The following PIN1 variants were observed in gnomAD, a reference collection of about 807,000 sequenced individuals.
The protein encoded by PIN1 is peptidylprolyl cis/trans isomerase, NIMA-interacting 1.
In PIN1, 8 loss-of-function variants were observed where a neutral mutation model predicts 19.9. The ratio of observed to expected loss-of-function variants is 0.40; its 90% CI spans 0.24 to 0.72. The LOEUF (loss-of-function observed/expected upper bound fraction) is 0.72, where lower values mean the gene tolerates loss of function less well. Among genes scored for constraint, PIN1 ranks in the 30% least tolerant of loss-of-function variants. The pLI is 0.37. For synonymous variants in PIN1, 86 were observed against 90.8 expected (o/e 0.95, Z 0.30); for missense variants, 185 against 226.5 (o/e 0.82, Z 1.18).
In PIN1 at chr19:9,835,391, G is replaced by A; in HGVS notation, c.47G>A (p.Ser16Asn). 1 of 1,516,018 alleles carries A rather than the reference G, an allele frequency of 6.6e-7. No homozygotes were observed. Among genetic ancestry groups the A allele is most frequent in the Non-Finnish European group, 8.8e-7 (1 of 1,138,896 alleles). 93.9% of individuals were successfully genotyped at this position (1,516,018 alleles called of 1,614,324 possible). Reference sequence around the variant, plus strand: ...CCGCCCGGCTGGGAGAAGCGCATGAGCCGCAGCTCAGGTGCCGCGGGGGTC... The same window carrying A: ...CCGCCCGGCTGGGAGAAGCGCATGAACCGCAGCTCAGGTGCCGCGGGGGTC... Reference protein sequence around the residue: ...KLPPGWEKRMSRSSGRVYYFN... With the variant: ...KLPPGWEKRMNRSSGRVYYFN... The change falls in exon 1 of 4, where the codon AGC becomes AAC. Residue 16 changes from serine (S) to asparagine (N), a missense_variant. By Grantham distance (46) the Ser-to-Asn change is conservative. Transcript: ENST00000247970.
rs114029578 is a variant in PIN1, at chr19:9,838,796, G to A, written c.271+148G>A. ...AAACGCCAGTGCATGACCTGACCCT[G>A]ACCTTCACAGCAGCCATTCTCTTTC... On this transcript the variant is annotated intron_variant, in intron 2 of 3. Transcript: ENST00000247970. The surrounding 1 kb of genome is among the most constrained non-coding windows in gnomAD (Gnocchi z 5.8). 2.6e-3 allele frequency: 1,669 copies of A among 634,360 alleles called. 25 individuals are homozygous for A. In the African/African-American group the frequency reaches 0.028, roughly 11 times the overall value. The allele number at this position is 634,360 out of a possible 1,614,324, so 39.3% of individuals were successfully genotyped here.
At chr19:9,843,683 A>G (rs2046191381) in intron 2 of PIN1, among the ~76,000 whole-genome samples, 1 of 152,130 alleles carries the variant, frequency 6.6e-6, no homozygotes, top group Non-Finnish European at 1.5e-5. Context: ...CTCACTGTGC[A>G]CTCACATGGC....
chr19:9,842,315 G>A (rs2046175792), intron 2 of PIN1, among the ~76,000 whole-genome samples: 1 of 152,182 alleles, frequency 6.6e-6, no homozygotes, highest in Non-Finnish European at 1.5e-5. Flanking sequence ...CCCACCCTGG[G>A]CTCGTACAGG....
chr19:9,849,039 G>A, intron 3 of PIN1, 51 bp from the exon 4 acceptor site: 1 of 1,234,676 alleles, frequency 8.1e-7, no homozygotes, highest in Non-Finnish European at 1.2e-6. Flanking sequence ...GCCTCATCCT[G>A]GCCTCTGCCA....
At position 9,835,420 on chromosome 19, in the gene PIN1, GCTGGGGCGGGA is replaced by G; in HGVS notation, c.58+22_58+32del. The G allele has an allele frequency of 6.7e-7, 1 of 1,489,150 alleles. No individual in the cohort carries two copies. The highest frequency in any genetic ancestry group is 8.9e-7 in the Non-Finnish European group (1 of 1,123,604). 92.2% of individuals were successfully genotyped at this position (1,489,150 alleles called of 1,614,324 possible). A position where few individuals can be genotyped will look rare whatever the true frequency, so the allele number is the denominator to read the frequency against. On this transcript the variant is annotated intron_variant, in intron 1 of 3. Transcript: ENST00000247970. ...CAGCTCAGGTGCCGCGGGGGTCGGG[GCTGGGGCGGGA>G]CTGCGCGGGCCCGCGTAAGCAGGGC...
At chr19:9,848,377 G>T (rs35394313) in intron 3 of PIN1, 8,376 of 541,314 alleles carry the variant, frequency 0.015, 185 homozygotes, top group Admixed American at 0.063. Flanking sequence ...TGGGGGGCAT[G>T]GTCTCTTGTG....
chr19:9,836,241 A>G (rs1077220), intron 1 of PIN1: 113,148 of 152,548 alleles, frequency 0.74, 42,398 homozygotes, highest in Middle Eastern at 0.83. Context: ...CGCATTTGCA[A>G]TAATAATTCT....
rs918607391 is a variant in PIN1, at chr19:9,835,356, G to A, written c.12G>A (p.Glu4=). ...CGGCAGGAGGGAAGATGGCGGACGA[G>A]GAGAAGCTGCCGCCCGGCTGGGAGA... MAD[E]EKLPPGWEKR... is the part of the protein sequence containing the mutation. The change falls in exon 1 of 4, where the codon GAG becomes GAA. Residue 4 remains glutamate, a synonymous_variant. Coordinates refer to ENST00000247970, the MANE Select transcript of PIN1 (RefSeq NM_006221.4). 17 of 1,523,802 alleles carry A rather than the reference G, an allele frequency of 1.1e-5. No homozygotes were observed. The highest frequency in any genetic ancestry group is 5.1e-5 in the East Asian group (2 of 39,138). The allele number at this position is 1,523,802 out of a possible 1,614,324, so 94.4% of individuals were successfully genotyped here.
At chr19:9,843,882 T>A (rs919416901) in intron 2 of PIN1, among the ~76,000 whole-genome samples, 3 of 152,042 alleles carry the variant, frequency 2.0e-5, no homozygotes, top group Admixed American at 2.0e-4. Context: ...ACTCCATCTC[T>A]ACTAAAAATA....
At chr19:9,839,415 CAAAAAAA>C (rs549874572) in intron 2 of PIN1, among the ~76,000 whole-genome samples, 1 of 84,328 alleles carries the variant, frequency 1.2e-5, no homozygotes, top group Non-Finnish European at 2.5e-5. Context: ...GGCACCATCT[CAAAAAAA>C]AAAAAAAAAA....
At chr19:9,841,878 G>A (rs1369355140) in intron 2 of PIN1, among the ~76,000 whole-genome samples, 2 of 152,182 alleles carry the variant, frequency 1.3e-5, no homozygotes, top group African/African-American at 2.4e-5. Flanking sequence ...GTGGGCTCCT[G>A]GGGGTCAGCA....
intron 2 of PIN1, among the ~76,000 whole-genome samples, chr19:9,843,133 C>T (rs2046185068): frequency 6.6e-6 from 1 of 152,266 alleles, no homozygotes; most frequent in Non-Finnish European, 1.5e-5. Context: ...GATCTGTTGA[C>T]AGCCACCCCT....
Position 9,848,143 on chromosome 19 carries a change from G to A in PIN1, c.382+3G>A. 2 of 1,577,028 alleles carry A rather than the reference G, an allele frequency of 1.3e-6. No individual in the cohort carries two copies. Among genetic ancestry groups the A allele is most frequent in the Admixed American group, 1.7e-5 (1 of 59,984 alleles). ...AGACCTGGGTGCCTTCAGCAGAGGT[G>A]CGCAAGGAATGGGCCTCACCAGGTT... On this transcript the variant is annotated splice_donor_region_variant and intron_variant, in intron 3 of 3. Coordinates refer to ENST00000247970, the MANE Select transcript of PIN1 (RefSeq NM_006221.4).
At chr19:9,845,144 G>A (rs867172603) in intron 2 of PIN1, among the ~76,000 whole-genome samples, 2 of 152,234 alleles carry the variant, frequency 1.3e-5, no homozygotes, top group African/African-American at 2.4e-5. Flanking sequence ...GTCGGAGGAT[G>A]TCATTGTCGC....
chr19:9,844,767 A>C (rs2046203079), intron 2 of PIN1, among the ~76,000 whole-genome samples: 1 of 152,232 alleles, frequency 6.6e-6, no homozygotes, highest in Non-Finnish European at 1.5e-5. Context: ...CCTGAGTTTC[A>C]GGCAGATAGG....
intron 3 of PIN1, 32 bp from the exon 4 acceptor site, chr19:9,849,058 C>T (rs1196198027): frequency 1.3e-6 from 2 of 1,489,198 alleles, no homozygotes; most frequent in Non-Finnish European, 1.9e-6. Flanking sequence ...CAGCCCAGCC[C>T]TGACACCCCC....
chr19:9,848,843 C>T (rs1599456605), intron 3 of PIN1, among the ~76,000 whole-genome samples: 1 of 152,162 alleles, frequency 6.6e-6, no homozygotes, highest in South Asian at 2.1e-4. Context: ...TGCACGGCGG[C>T]GGCCGTAGCC....
chr19:9,838,445 A>T lies in PIN1; in HGVS notation c.68A>T (p.Tyr23Phe), dbSNP rs985456406. Residue 23 changes from tyrosine (Y) to phenylalanine (F), a missense_variant, in exon 2 of 4, where the codon TAC becomes TTC. Transcript: ENST00000247970. The surrounding 1 kb of genome is among the most constrained non-coding windows in gnomAD (Gnocchi z 5.8). ...KRMSRSSGRVYYFNHITNASQ... is the reference protein window; with the variant it reads ...KRMSRSSGRVFYFNHITNASQ... Reference sequence around the variant, plus strand: ...CTGCCCTCCCCTCCAGGCCGAGTGTACTACTTCAACCACATCACTAACGCC... The same window carrying T: ...CTGCCCTCCCCTCCAGGCCGAGTGTTCTACTTCAACCACATCACTAACGCC... The T allele has an allele frequency of 6.2e-7, 1 of 1,604,656 alleles. No individual in the cohort carries two copies. Among genetic ancestry groups the T allele is most frequent in the African/African-American group, 1.3e-5 (1 of 74,822 alleles).
chr19:9,849,109 TG>T lies in PIN1; in HGVS notation c.403del (p.Glu135LysfsTer12). The T allele has an allele frequency of 6.2e-7, 1 of 1,613,736 alleles. No individual in the cohort carries two copies. The highest frequency in any genetic ancestry group is 8.5e-7 in the Non-Finnish European group (1 of 1,179,740). ...TCCCAGGTCAGATGCAGAAGCCATTTGAAGACGCCTCGTTTGCGCTGCGGAC... is the reference window on the plus strand; with the variant it reads ...TCCCAGGTCAGATGCAGAAGCCATTTAAGACGCCTCGTTTGCGCTGCGGAC... ...FSRGQMQKPF[E>X]DASFALRTGE... On this transcript the variant is annotated frameshift_variant, in exon 4 of 4. Transcript: ENST00000247970. LOFTEE classifies it high-confidence loss of function.
Sources: gnomAD v4.1 joint callset for allele counts (sites outside exome capture counted in the v4.1 genomes callset) on GRCh38, gnomAD v4.1.1 for gene constraint, Gnocchi (gnomAD v3.1) non-coding constraint, MANE v1.5 for transcripts, NCBI Gene and HGNC (gene_info 2026-07-23, HGNC 2026-07-21) for gene names.